KCND2: variants seen among roughly 807,000 people sequenced by gnomAD.
KCND2 encodes the protein potassium voltage-gated channel subfamily D member 2, also known as A-type voltage-gated potassium channel KCND2.
KCND2 carries 16 observed loss-of-function variants against 54.4 expected under a neutral mutation model. That is an observed-to-expected ratio of 0.29 (90% confidence interval 0.20 to 0.45). The LOEUF (loss-of-function observed/expected upper bound fraction) is 0.45, where lower values mean the gene tolerates loss of function less well. KCND2 is among the 20% of genes least tolerant of loss of function. The pLI is 1.00. For missense variants in KCND2, 486 were observed against 824.2 expected (o/e 0.59, Z 5.02); for synonymous variants, 317 against 310.7 (o/e 1.02, Z -0.21).
chr7:120,299,706 T>C (rs1244658227), intron 1 of KCND2, among the ~76,000 whole-genome samples: 1 of 152,102 alleles, frequency 6.6e-6, no homozygotes, highest in Non-Finnish European at 1.5e-5. Context: ...GCTCCACATA[T>C]AACATCTGCG....
At chr7:120,504,218 A>C (rs1430945097) in intron 1 of KCND2, among the ~76,000 whole-genome samples, 1 of 151,996 alleles carries the variant, frequency 6.6e-6, no homozygotes, top group African/African-American at 2.4e-5. Flanking sequence ...TAATGGTGCC[A>C]AAGTGGTATT....
At chr7:120,309,334 G>A (rs1163310396) in intron 1 of KCND2, among the ~76,000 whole-genome samples, 3 of 151,658 alleles carry the variant, frequency 2.0e-5, no homozygotes, top group Non-Finnish European at 4.4e-5. Flanking sequence ...GAAAATAAGA[G>A]TATTTACAGA....
In KCND2 at chr7:120,310,882, G is replaced by A. The variant is rs866283211; in HGVS notation, c.1115+35135G>A. 2.7e-5 allele frequency among the ~76,000 whole-genome samples: 4 copies of A among 150,472 alleles called. No homozygotes were observed. The East Asian group carries it at 7.8e-4, about 29-fold the overall frequency. ...ACCTGGGAGTTGGAGGTTGCAGTGA[G>A]CTGAGATTGCCCCACTGCACTCCAG... On this transcript the variant is annotated intron_variant, in intron 1 of 5. Transcript: ENST00000331113.
chr7:120,636,190 T>G (rs1202487452), intron 1 of KCND2, among the ~76,000 whole-genome samples: 2 of 152,138 alleles, frequency 1.3e-5, no homozygotes, highest in Admixed American at 6.5e-5. Context: ...AAAACTTATG[T>G]GTTAGAGAAG....
At chr7:120,592,729 A>G (rs1328237533) in intron 1 of KCND2, among the ~76,000 whole-genome samples, 1 of 152,174 alleles carries the variant, frequency 6.6e-6, no homozygotes, top group Non-Finnish European at 1.5e-5. Context: ...CTGGTTGGAA[A>G]CAAGTTACAC....
At chr7:120,317,920 C>T (rs1482152375) in intron 1 of KCND2, among the ~76,000 whole-genome samples, 1 of 152,156 alleles carries the variant, frequency 6.6e-6, no homozygotes, top group Non-Finnish European at 1.5e-5. Context: ...ACACAATCTT[C>T]CTGCAGTCAG....
rs79679008 is a variant in KCND2, at chr7:120,363,076, G to A, written c.1115+87329G>A. ...TCAGCTTTGGGAGGTCGACATGGGA[G>A]GATCACTTGAGCTCAGGAGTTTAAG... On this transcript the variant is annotated intron_variant, in intron 1 of 5. Coordinates refer to ENST00000331113, the MANE Select transcript of KCND2 (RefSeq NM_012281.3). Among the ~76,000 whole-genome samples, 1,384 of 152,098 alleles carry A rather than the reference G, an allele frequency of 9.1e-3. 22 individuals carry two copies. Among genetic ancestry groups the A allele is most frequent in the African/African-American group, 0.031 (1,301 of 41,490 alleles).
chr7:120,746,087 T>C, intron 5 of KCND2, 60 bp downstream of exon 5: 1 of 1,580,858 alleles, frequency 6.3e-7, no homozygotes, highest in Non-Finnish European at 8.6e-7. Context: ...GTGTGTCTTC[T>C]GCACTCATGT....
At chr7:120,366,786 C>A (rs1488187190) in intron 1 of KCND2, among the ~76,000 whole-genome samples, 1 of 152,056 alleles carries the variant, frequency 6.6e-6, no homozygotes, top group Non-Finnish European at 1.5e-5. Flanking sequence ...CAGATTGGAC[C>A]AAATTATTTC....
intron 1 of KCND2, among the ~76,000 whole-genome samples, chr7:120,609,844 C>T (rs1792930259): frequency 3.3e-5 from 5 of 152,108 alleles, no homozygotes; most frequent in Admixed American, 3.3e-4. Flanking sequence ...CTTCTAAGCA[C>T]AGGGCCCTCA....
chr7:120,708,233 A>T (rs1166523825), intron 1 of KCND2, among the ~76,000 whole-genome samples: 2 of 152,138 alleles, frequency 1.3e-5, no homozygotes, highest in East Asian at 3.9e-4. Flanking sequence ...TGTTGTATAC[A>T]ATGCAATGAA....
chr7:120,427,584 A>G (rs1390511867), intron 1 of KCND2, among the ~76,000 whole-genome samples: 1 of 152,254 alleles, frequency 6.6e-6, no homozygotes, highest in African/African-American at 2.4e-5. Flanking sequence ...TGAATAGACT[A>G]TTAAAAGCTG....
chr7:120,499,045 G>C (rs1002688745), intron 1 of KCND2, among the ~76,000 whole-genome samples: 1 of 152,144 alleles, frequency 6.6e-6, no homozygotes. Flanking sequence ...TCTTTGATTT[G>C]ACTTGCATTT....
intron 1 of KCND2, among the ~76,000 whole-genome samples, chr7:120,323,767 A>G (rs1799930492): frequency 1.5e-5 from 2 of 131,030 alleles, no homozygotes; most frequent in African/African-American, 3.0e-5. Context: ...ATACGTGTGC[A>G]TGTGTCTTTA....
At chr7:120,667,565 G>A (rs67161714) in intron 1 of KCND2, among the ~76,000 whole-genome samples, 50,345 of 151,856 alleles carry the variant, frequency 0.33, 9,728 homozygotes, top group African/African-American at 0.5. Flanking sequence ...GGAAGCACCA[G>A]GTTGAGTGAG....
chr7:120,515,622 A>G (rs1803184481), intron 1 of KCND2, among the ~76,000 whole-genome samples: 1 of 152,050 alleles, frequency 6.6e-6, no homozygotes, highest in Non-Finnish European at 1.5e-5. Context: ...TGCCTCAGGA[A>G]CTCAGAGACT....
At chr7:120,495,498 C>T (rs1356437331) in intron 1 of KCND2, among the ~76,000 whole-genome samples, 1 of 152,144 alleles carries the variant, frequency 6.6e-6, no homozygotes, top group African/African-American at 2.4e-5. Context: ...TGACCCAGAA[C>T]TATGCAGGTT....
rs1793045739 is a variant in KCND2, at chr7:120,749,434, T to C, written c.*1576T>C. ...CACATGACAGTGTAAAAAAGTTTAA[T>C]GTCAAATGCAAAGTTTTTATTCATT... On this transcript the variant is annotated 3_prime_UTR_variant, in exon 6 of 6. Coordinates refer to ENST00000331113, the MANE Select transcript of KCND2 (RefSeq NM_012281.3). The C allele has an allele frequency of 6.6e-6, 1 of 152,322 alleles. No homozygotes were observed. The highest frequency in any genetic ancestry group is 2.1e-4 in the South Asian group (1 of 4,832). 9.4% of individuals were successfully genotyped at this position (152,322 alleles called of 1,614,324 possible). A position where few individuals can be genotyped will look rare whatever the true frequency, so the allele number is the denominator to read the frequency against.
chr7:120,742,608 G>A lies in KCND2; in HGVS notation c.1467+6G>A. On this transcript the variant is annotated splice_donor_region_variant and intron_variant, in intron 4 of 5. Coordinates refer to ENST00000331113, the MANE Select transcript of KCND2 (RefSeq NM_012281.3). ...ACTGCCTGGAAAAAACCACGGTAAG[G>A]AGACAGCATGACTGCCTTCCCTTGC... 6.2e-7 allele frequency: 1 copy of A among 1,608,632 alleles called. No individual in the cohort carries two copies.
Sources: allele counts gnomAD v4.1 joint callset (sites outside exome capture counted in the v4.1 genomes callset), GRCh38; gene constraint gnomAD v4.1.1; transcripts MANE v1.5; gene names NCBI Gene and HGNC (gene_info 2026-07-23, HGNC 2026-07-21).